Variants in CUX1 observed in about 807,000 individuals in gnomAD.
The protein encoded by CUX1 is cut like homeobox 1.
Under a neutral mutation model 158.8 loss-of-function variants are expected in CUX1, and 31 were observed. The observed-to-expected ratio is 0.20, with a 90% CI of 0.15 to 0.26. The LOEUF (loss-of-function observed/expected upper bound fraction) is 0.26. CUX1 is among the 10% of genes least tolerant of loss of function. The pLI, the probability that CUX1 is intolerant of heterozygous loss-of-function variation, is 1.00. For missense variants in CUX1, 1,589 were observed against 2,014.6 expected (o/e 0.79, Z 4.04); for synonymous variants, 879 against 862.1 (o/e 1.02, Z -0.34).
chr7:102,137,210 C>T (rs1451188828), intron 8 of CUX1, among the ~76,000 whole-genome samples: 9 of 152,184 alleles, frequency 5.9e-5, no homozygotes, highest in Admixed American at 5.9e-4. Context: ...CCAATGATTT[C>T]CCCTCTGTAA....
intron 1 of CUX1, among the ~76,000 whole-genome samples, chr7:101,883,172 T>C (rs1186518431): frequency 6.6e-6 from 1 of 152,160 alleles, no homozygotes; most frequent in Non-Finnish European, 1.5e-5. Context: ...TTTCGTCATA[T>C]GGAGGGGTGG....
intron 22 of CUX1, chr7:102,282,953 C>CAA: frequency 9.1e-7 from 1 of 1,103,608 alleles, no homozygotes; most frequent in Non-Finnish European, 1.4e-6. Flanking sequence ...CCCACCCCAT[C>CAA]ACATGGTACA....
chr7:102,202,201 G>A lies in CUX1; in HGVS notation c.2904G>A (p.Glu968=). 6.2e-7 allele frequency: 1 copy of A among 1,600,430 alleles called. No homozygotes were observed. Among genetic ancestry groups the A allele is most frequent in the Non-Finnish European group, 8.5e-7 (1 of 1,171,412 alleles). Residue 968 remains glutamate, a synonymous_variant, in exon 18 of 24, where the codon GAG becomes GAA. Coordinates refer to ENST00000292535, the MANE Select transcript of CUX1 (RefSeq NM_181552.4). ...GCATCTGCCAGAGAATCTTCGGGGAGAAGGTAAGGGATCTGCTCTGGGGGC... is the reference window on the plus strand; with the variant it reads ...GCATCTGCCAGAGAATCTTCGGGGAAAAGGTAAGGGATCTGCTCTGGGGGC... The part of the protein sequence containing the change: ...KNGICQRIFG[E]KVLGLSQGSV...
chr7:102,273,548 C>A, intron 15 of CUX1: 1 of 1,560,466 alleles, frequency 6.4e-7, no homozygotes, highest in East Asian at 2.3e-5. Context: ...ACTGACTTAG[C>A]CTCTGCAAAC....
chr7:102,276,220 C>A (rs1435821120), intron 17 of CUX1, among the ~76,000 whole-genome samples: 1 of 152,132 alleles, frequency 6.6e-6, no homozygotes, highest in Non-Finnish European at 1.5e-5. Context: ...AGTGGAATTA[C>A]TAGATCCTAT....
chr7:102,254,621 A>G lies in CUX1; in HGVS notation c.*5579A>G. Reference sequence around the variant, plus strand: ...GTAAGAACCTAAGGATGGGGACAGCATCCTGTGCTTGGGCATTGACCAGCC... The same window carrying G: ...GTAAGAACCTAAGGATGGGGACAGCGTCCTGTGCTTGGGCATTGACCAGCC... On this transcript the variant is annotated 3_prime_UTR_variant, in exon 24 of 24. Coordinates refer to ENST00000292535, the MANE Select transcript of CUX1 (RefSeq NM_181552.4). 1 of 985,502 alleles carries G rather than the reference A, an allele frequency of 1.0e-6. No individual in the cohort carries two copies. Among genetic ancestry groups the G allele is most frequent in the Non-Finnish European group, 1.2e-6 (1 of 829,960 alleles). 61.0% of individuals were successfully genotyped at this position (985,502 alleles called of 1,614,324 possible).
Position 102,250,976 on chromosome 7 carries a change from T to A in CUX1, c.*1934T>A, listed in dbSNP as rs185400269. On this transcript the variant is annotated 3_prime_UTR_variant, in exon 24 of 24. Transcript: ENST00000292535. The stretch of plus-strand genomic sequence containing the variant: ...AGATGATTTCGGTATATATATATAT[T>A]TTTTTTTGCTTATTTATAGGTGCTG... 738 of 946,802 alleles carry A rather than the reference T, an allele frequency of 7.8e-4. No homozygotes were observed. The highest frequency in any genetic ancestry group is 1.1e-3 in the Middle Eastern group (2 of 1,822). 58.7% of individuals were successfully genotyped at this position (946,802 alleles called of 1,614,324 possible).
At chr7:102,225,816 C>T (rs1465945994) in intron 20 of CUX1, among the ~76,000 whole-genome samples, 1 of 152,230 alleles carries the variant, frequency 6.6e-6, no homozygotes, top group Non-Finnish European at 1.5e-5. Flanking sequence ...TAGCAAGACC[C>T]CATCTCCACA....
At chr7:101,834,835 C>A (rs1794448898) in intron 1 of CUX1, among the ~76,000 whole-genome samples, 1 of 152,020 alleles carries the variant, frequency 6.6e-6, no homozygotes, top group Non-Finnish European at 1.5e-5. Flanking sequence ...CCTGTCCCTA[C>A]TAAAAATACA....
At chr7:102,260,877 T>G (rs1790357269), downstream of CUX1, among the ~76,000 whole-genome samples, 1 of 152,242 alleles carries the variant, frequency 6.6e-6, no homozygotes. Context: ...GGGGGCATGC[T>G]GCTCCTCTCC....
chr7:101,949,872 A>G (rs568333606), intron 2 of CUX1, among the ~76,000 whole-genome samples: 15 of 151,936 alleles, frequency 9.9e-5, no homozygotes, highest in African/African-American at 3.6e-4. Flanking sequence ...CTCAGGCCCA[A>G]TCCCTGAGAG....
Position 102,250,896 on chromosome 7 carries a change from T to G in CUX1, c.*1854T>G. On this transcript the variant is annotated 3_prime_UTR_variant, in exon 24 of 24. Transcript: ENST00000292535. Reference sequence around the variant, plus strand: ...AATAAGCTGTTTTATCAGTTACGGCTTCTACAAGTTTGCTAATTTAGACTT... The same window carrying G: ...AATAAGCTGTTTTATCAGTTACGGCGTCTACAAGTTTGCTAATTTAGACTT... 1 of 985,436 alleles carries G rather than the reference T, an allele frequency of 1.0e-6. No individual in the cohort carries two copies. The highest frequency in any genetic ancestry group is 1.2e-6 in the Non-Finnish European group (1 of 829,922). 61.0% of individuals were successfully genotyped at this position (985,436 alleles called of 1,614,324 possible). A position where few individuals can be genotyped will look rare whatever the true frequency, so the allele number is the denominator to read the frequency against.
At chr7:101,843,127 A>G (rs2131177918) in intron 1 of CUX1, among the ~76,000 whole-genome samples, 1 of 151,846 alleles carries the variant, frequency 6.6e-6, no homozygotes, top group African/African-American at 2.4e-5. Context: ...CAGCCTCCCA[A>G]AGTGCTGGGA....
rs534907808 is a variant in CUX1, at chr7:102,237,338, C to T, written c.3623-1982C>T. Among the ~76,000 whole-genome samples, 19 of 152,074 alleles carry T rather than the reference C, an allele frequency of 1.2e-4. No homozygotes were observed. In the East Asian group the frequency reaches 2.9e-3, roughly 23 times the overall value. On this transcript the variant is annotated intron_variant, in intron 22 of 23. Transcript: ENST00000292535. ...GGTGTTCTGGGCTCAAGTGATCCTC[C>T]CGTCCCAGCTACTCGGGTGCACGCA...
chr7:101,911,501 G>A (rs1803458681), intron 1 of CUX1, among the ~76,000 whole-genome samples: 1 of 152,198 alleles, frequency 6.6e-6, no homozygotes, highest in African/African-American at 2.4e-5. Context: ...CCTGAGCCGT[G>A]GCCTTGGCCT....
intron 9 of CUX1, among the ~76,000 whole-genome samples, chr7:102,161,756 G>A (rs973477890): frequency 5.3e-5 from 8 of 151,814 alleles, no homozygotes; most frequent in Non-Finnish European, 8.8e-5. Context: ...GATTATAGGC[G>A]CCCACCATGC....
chr7:102,104,226 G>A (rs1219895401), intron 5 of CUX1, 110 bp from the exon 6 acceptor site: 9 of 1,060,042 alleles, frequency 8.5e-6, no homozygotes, highest in Non-Finnish European at 1.2e-5. Context: ...GAGTTGAAGA[G>A]CTAAGGTTTA....
intron 2 of CUX1, among the ~76,000 whole-genome samples, chr7:101,963,927 C>T (rs1365383929): frequency 1.3e-5 from 2 of 149,836 alleles, no homozygotes; most frequent in Non-Finnish European, 3.0e-5. Context: ...GTTGGGATTA[C>T]AGGCATGAGC....
At chr7:102,029,082 T>C (rs190194621) in intron 3 of CUX1, among the ~76,000 whole-genome samples, 4,252 of 149,092 alleles carry the variant, frequency 0.029, 88 homozygotes, top group Non-Finnish European at 0.034. Flanking sequence ...AACCTCCGTC[T>C]CCCAGGTTCA....
Sources: allele counts gnomAD v4.1 joint callset (sites outside exome capture counted in the v4.1 genomes callset), GRCh38; gene constraint gnomAD v4.1.1; transcripts MANE v1.5; gene names NCBI Gene and HGNC (gene_info 2026-07-23, HGNC 2026-07-21).